The following BCL2L10 variants were observed in gnomAD, a reference collection of about 807,000 sequenced individuals.
BCL2L10 encodes the protein bcl-2-like protein 10.
Under a neutral mutation model 11.1 loss-of-function variants are expected in BCL2L10, and 14 were observed. The observed-to-expected ratio is 1.26, with a 90% CI of 0.83 to 1.96. BCL2L10 has a LOEUF of 1.96. BCL2L10 is among the 30% of genes most tolerant of loss of function. BCL2L10 has a pLI of 0.00. For synonymous variants in BCL2L10, 154 were observed against 133.4 expected (o/e 1.15, Z -1.07); for missense variants, 309 against 273.9 (o/e 1.13, Z -0.90).
rs764724901 is a variant in BCL2L10 at position 52,112,749 on chromosome 15, C to T, written c.-23G>A. 65 of 1,503,132 alleles carry T rather than the reference C, an allele frequency of 4.3e-5. No homozygotes were observed. The highest frequency in any genetic ancestry group is 2.2e-4 in the Middle Eastern group (1 of 4,526). The allele number at this position is 1,503,132 out of a possible 1,614,324, so 93.1% of individuals were successfully genotyped here. On this transcript the variant is annotated 5_prime_UTR_variant, in exon 1 of 2. Transcript: ENST00000260442. ...CATGGTCCGGCCTCTGCTGGGGGGC[C>T]GGGCCTTCGCTGGTTTTCTTGGCCC...
At chr15:52,111,744 C>T (rs2033059782) in intron 1 of BCL2L10, among the ~76,000 whole-genome samples, 1 of 151,958 alleles carries the variant, frequency 6.6e-6, no homozygotes, top group African/African-American at 2.4e-5. Context: ...GGGCGACCAC[C>T]ACACTCCACA....
intron 1 of BCL2L10, chr15:52,112,034 C>G: frequency 9.3e-7 from 1 of 1,077,146 alleles, no homozygotes; most frequent in Non-Finnish European, 1.2e-6. Context: ...TCTAAGAAGG[C>G]CGATTTCTGC....
chr15:52,111,031 G>T (rs917912285), intron 1 of BCL2L10, among the ~76,000 whole-genome samples: 1 of 151,988 alleles, frequency 6.6e-6, no homozygotes, highest in African/African-American at 2.4e-5. Flanking sequence ...AACCCAACTT[G>T]TCACTATAGA....
chr15:52,112,734 C>T lies in BCL2L10; in HGVS notation c.-8G>A, dbSNP rs764491613. 1 of 1,525,740 alleles carries T rather than the reference C, an allele frequency of 6.6e-7. No individual in the cohort carries two copies. The highest frequency in any genetic ancestry group is 8.8e-7 in the Non-Finnish European group (1 of 1,142,656). The allele number at this position is 1,525,740 out of a possible 1,614,324, so 94.5% of individuals were successfully genotyped here. On this transcript the variant is annotated 5_prime_UTR_variant, in exon 1 of 2. Coordinates refer to ENST00000260442, the MANE Select transcript of BCL2L10 (RefSeq NM_020396.4). ...CCGCAACTGGTCAACCATGGTCCGG[C>T]CTCTGCTGGGGGGCCGGGCCTTCGC...
chr15:52,112,210 CGTGTCCCG>C lies in BCL2L10; in HGVS notation c.489+20_489+27del, dbSNP rs1458512815. 1 of 1,462,404 alleles carries C rather than the reference CGTGTCCCG, an allele frequency of 6.8e-7. No homozygotes were observed. Among genetic ancestry groups the C allele is most frequent in the Non-Finnish European group, 9.0e-7 (1 of 1,113,120 alleles). The allele number at this position is 1,462,404 out of a possible 1,614,324, so 90.6% of individuals were successfully genotyped here. On this transcript the variant is annotated intron_variant, in intron 1 of 1. Coordinates refer to ENST00000260442, the MANE Select transcript of BCL2L10 (RefSeq NM_020396.4). ...CGCTTCCCGGCTGCCCGTCCCGCCC[CGTGTCCCG>C]GTGTCCGCCGCGTGCTCACCCAGCC...
In BCL2L10 at chr15:52,112,501, C is replaced by G. The variant is rs1449118042; in HGVS notation, c.226G>C (p.Glu76Gln). The change falls in exon 1 of 2, where the codon GAG becomes CAG. Residue 76 changes from glutamate (E) to glutamine (Q), a missense_variant. Transcript: ENST00000260442. ...AYLGYPGNRF[E>Q]LVALMADSVL... ...GAATCCGCCATCAGCGCCACCAGCT[C>G]GAAGCGGTTCCCGGGGTAGCCGAGG... The G allele has an allele frequency of 3.1e-6, 5 of 1,600,468 alleles. No homozygotes were observed. Among genetic ancestry groups the G allele is most frequent in the Middle Eastern group, 3.3e-4 (2 of 6,048 alleles).
At chr15:52,111,436 T>C (rs1566926961) in intron 1 of BCL2L10, among the ~76,000 whole-genome samples, 1 of 152,092 alleles carries the variant, frequency 6.6e-6, no homozygotes, top group Non-Finnish European at 1.5e-5. Context: ...AAAAACTTGC[T>C]GGTTTTAATA....
chr15:52,111,795 A>G (rs1292705952), intron 1 of BCL2L10, among the ~76,000 whole-genome samples: 1 of 152,208 alleles, frequency 6.6e-6, no homozygotes, highest in Non-Finnish European at 1.5e-5. Flanking sequence ...GGTTGTGATC[A>G]ATGGGTCTGA....
Position 52,112,231 on chromosome 15 carries a change from T to C in BCL2L10, c.489+7A>G. 6.7e-7 allele frequency: 1 copy of C among 1,492,666 alleles called. No homozygotes were observed. The highest frequency in any genetic ancestry group is 8.9e-7 in the Non-Finnish European group (1 of 1,125,598). 92.5% of individuals were successfully genotyped at this position (1,492,666 alleles called of 1,614,324 possible). A position where few individuals can be genotyped will look rare whatever the true frequency, so the allele number is the denominator to read the frequency against. On this transcript the variant is annotated splice_region_variant and intron_variant, in intron 1 of 1. Coordinates refer to ENST00000260442, the MANE Select transcript of BCL2L10 (RefSeq NM_020396.4). ...GCCCCGTGTCCCGGTGTCCGCCGCG[T>C]GCTCACCCAGCCGCCCTGAGCCTGC...
At chr15:52,110,530 T>C (rs2033038840) in intron 1 of BCL2L10, among the ~76,000 whole-genome samples, 1 of 151,798 alleles carries the variant, frequency 6.6e-6, no homozygotes, top group South Asian at 2.1e-4. Flanking sequence ...ACCTCCTGGG[T>C]TCAAGCGATT....
Position 52,112,556 on chromosome 15 carries a change from C to T in BCL2L10, c.171G>A (p.Arg57=), listed in dbSNP as rs1256554416. The change falls in exon 1 of 2, where the codon CGG becomes CGA. Residue 57 remains arginine, a synonymous_variant. Transcript: ENST00000260442. The part of the protein sequence containing the change: ...AVLRSAAARL[R]QIHRSFFSAY... The stretch of plus-strand genomic sequence containing the variant: ...CGGAGAAAAAGGACCGGTGAATCTG[C>T]CGTAACCTGGCGGCCGCGGAGCGCA... The T allele has an allele frequency of 1.3e-6, 2 of 1,584,490 alleles. No homozygotes were observed.
At position 52,112,465 on chromosome 15, in the gene BCL2L10, C is replaced by A. The variant is rs369936579; in HGVS notation, c.262G>T (p.Asp88Tyr). 7.5e-6 allele frequency: 12 copies of A among 1,604,836 alleles called. No individual in the cohort carries two copies. Among genetic ancestry groups the A allele is most frequent in the Non-Finnish European group, 9.3e-6 (11 of 1,179,198 alleles). ...VALMADSVLSDSPGPTWGRVV... is the reference protein window; with the variant it reads ...VALMADSVLSYSPGPTWGRVV... ...CTGCCCCAGGTGGGGCCGGGGCTGTCGGAGAGCACGGAATCCGCCATCAGC... is the reference window on the plus strand; with the variant it reads ...CTGCCCCAGGTGGGGCCGGGGCTGTAGGAGAGCACGGAATCCGCCATCAGC... The change falls in exon 1 of 2, where the codon GAC (aspartate) becomes TAC (tyrosine). Residue 88 changes from aspartate to tyrosine, a missense_variant. Coordinates refer to ENST00000260442, the MANE Select transcript of BCL2L10 (RefSeq NM_020396.4).
chr15:52,112,624 C>G lies in BCL2L10; in HGVS notation c.103G>C (p.Gly35Arg). 6.4e-7 allele frequency: 1 copy of G among 1,566,002 alleles called. No individual in the cohort carries two copies. Among genetic ancestry groups the G allele is most frequent in the Non-Finnish European group, 8.6e-7 (1 of 1,164,350 alleles). Residue 35 changes from glycine to arginine, a missense_variant, in exon 1 of 2, where the codon GGC (glycine) becomes CGC (arginine). Transcript: ENST00000260442. ...DYLGYCAREP[G>R]TPEPAPSTPE... ...GTGGATGGCGCCGGCTCGGGGGTGC[C>G]GGGTTCCCGGGCGCAGTACCCCAGG...
intron 1 of BCL2L10, among the ~76,000 whole-genome samples, chr15:52,110,215 T>C (rs2033033756): frequency 6.6e-6 from 1 of 152,212 alleles, no homozygotes; most frequent in African/African-American, 2.4e-5. Flanking sequence ...AACACTCATA[T>C]CTTGACTCAA....
intron 1 of BCL2L10, among the ~76,000 whole-genome samples, chr15:52,111,173 A>AACACACAC (rs71130130): frequency 0.028 from 3,440 of 121,736 alleles, 112 homozygotes; most frequent in East Asian, 0.066. Flanking sequence ...CTCTACTGAA[A>AACACACAC]ACACACACAC....
intron 1 of BCL2L10, among the ~76,000 whole-genome samples, chr15:52,110,905 G>T (rs1197268926): frequency 1.3e-5 from 2 of 152,146 alleles, no homozygotes; most frequent in Non-Finnish European, 2.9e-5. Flanking sequence ...GAGGCTCTTA[G>T]GCACGCAGCT....
At position 52,109,860 on chromosome 15, in the gene BCL2L10, T is replaced by C. The variant is rs1395616303; in HGVS notation, c.603A>G (p.Thr201=). Residue 201 remains threonine (T), a synonymous_variant, in exon 2 of 2, where the codon ACA becomes ACG. Coordinates refer to ENST00000260442, the MANE Select transcript of BCL2L10 (RefSeq NM_020396.4). The stretch of plus-strand genomic sequence containing the variant: ...AAAGTTTTAAAACTCATAATAATCG[T>C]GTCCAGAGATAAATGAAGGCTGTTG... ...LLTTAFIYLW[T]RLL is the part of the protein sequence containing the mutation. 6.2e-7 allele frequency: 1 copy of C among 1,613,946 alleles called. No individual in the cohort carries two copies. Among genetic ancestry groups the C allele is most frequent in the Admixed American group, 1.7e-5 (1 of 60,002 alleles).
chr15:52,111,161 A>G (rs2033048221), intron 1 of BCL2L10, among the ~76,000 whole-genome samples: 1 of 120,662 alleles, frequency 8.3e-6, no homozygotes, highest in Non-Finnish European at 1.7e-5. Flanking sequence ...GTGAAAGCCC[A>G]TCTCTACTGA....
intron 1 of BCL2L10, among the ~76,000 whole-genome samples, chr15:52,111,328 C>T (rs1226365869): frequency 2.6e-5 from 4 of 151,940 alleles, no homozygotes; most frequent in Non-Finnish European, 5.9e-5. Context: ...GGATCCACCA[C>T]CGCACTCCAG....
Sources: gnomAD v4.1 joint callset for allele counts (sites outside exome capture counted in the v4.1 genomes callset) on GRCh38, gnomAD v4.1.1 for gene constraint, MANE v1.5 for transcripts, NCBI Gene and HGNC (gene_info 2026-07-23, HGNC 2026-07-21) for gene names.